The following PLEKHA2 variants were observed in gnomAD, a reference collection of about 807,000 sequenced individuals.
PLEKHA2 encodes pleckstrin homology domain-containing family A member 2.
PLEKHA2 carries 28 observed loss-of-function variants against 53.2 expected under a neutral mutation model. The ratio of observed to expected loss-of-function variants is 0.53; its 90% CI spans 0.39 to 0.72. PLEKHA2 has a LOEUF of 0.72. PLEKHA2 is among the 30% of genes least tolerant of loss of function. The pLI is 0.00. For missense variants in PLEKHA2, 426 were observed against 537.9 expected (o/e 0.79, Z 2.06); for synonymous variants, 193 against 196.4 (o/e 0.98, Z 0.14).
intron 7 of PLEKHA2, 86 bp from the exon 8 acceptor site, chr8:38,952,550 G>T: frequency 6.9e-7 from 1 of 1,449,086 alleles, no homozygotes; most frequent in South Asian, 1.2e-5. Flanking sequence ...CCATGGGGCT[G>T]GGTCCTTGGG....
rs201022943 is a variant in PLEKHA2, at chr8:38,969,799, T to TGGGAGGGA, written c.*31_*38dup. On this transcript the variant is annotated 3_prime_UTR_variant, in exon 12 of 12. Transcript: ENST00000617275. ...TGATGTGTGATGGAGCACAGTGCCA[T>TGGGAGGGA]GGGAGGGAGGGAGGGAGGGAGGACT... is the stretch of plus-strand genomic sequence containing the variant. The TGGGAGGGA allele has an allele frequency of 4.9e-6, 2 of 406,462 alleles. No homozygotes were observed. Among genetic ancestry groups the TGGGAGGGA allele is most frequent in the South Asian group, 1.8e-5 (1 of 57,002 alleles). 25.2% of individuals were successfully genotyped at this position (406,462 alleles called of 1,614,324 possible).
chr8:38,935,191 C>T (rs748477505), intron 2 of PLEKHA2, among the ~76,000 whole-genome samples: 2 of 151,768 alleles, frequency 1.3e-5, no homozygotes, highest in Non-Finnish European at 2.9e-5. Flanking sequence ...ATATTTTTAG[C>T]AGAGATGGGG....
intron 2 of PLEKHA2, 26 bp downstream of exon 2, chr8:38,918,096 G>A: frequency 1.2e-6 from 2 of 1,605,890 alleles, no homozygotes; most frequent in Non-Finnish European, 1.7e-6. Context: ...GGAAGGGGTG[G>A]GGCGACTGGG....
rs531422436 is a variant in PLEKHA2, at chr8:38,953,244, C to T, written c.703-53C>T. 5.5e-5 allele frequency: 79 copies of T among 1,435,248 alleles called. 1 individual carries two copies. In the South Asian group the frequency reaches 7.2e-4, roughly 13 times the overall value. The allele number at this position is 1,435,248 out of a possible 1,614,324, so 88.9% of individuals were successfully genotyped here. A position where few individuals can be genotyped will look rare whatever the true frequency, so the allele number is the denominator to read the frequency against. ...GGGGTATTGGTCAGCTGGTCTGGGT[C>T]GTGATATGACACAGACAGCCTCACT... On this transcript the variant is annotated intron_variant, in intron 8 of 11. Coordinates refer to ENST00000617275, the MANE Select transcript of PLEKHA2 (RefSeq NM_021623.2).
At chr8:38,939,740 C>A (rs1271439807) in intron 3 of PLEKHA2, among the ~76,000 whole-genome samples, 1 of 152,112 alleles carries the variant, frequency 6.6e-6, no homozygotes, top group African/African-American at 2.4e-5. Flanking sequence ...AGGCAGTTCT[C>A]CTAATAAGCC....
intron 5 of PLEKHA2, 143 bp from the exon 6 acceptor site, chr8:38,950,707 C>A: frequency 1.1e-6 from 1 of 944,992 alleles, no homozygotes; most frequent in Non-Finnish European, 1.6e-6. Context: ...CAGATTTGGA[C>A]TGTGGAAGGC....
intron 2 of PLEKHA2, among the ~76,000 whole-genome samples, chr8:38,919,036 C>T (rs1288290815): frequency 6.6e-6 from 1 of 152,208 alleles, no homozygotes; most frequent in Non-Finnish European, 1.5e-5. Context: ...GGCCCCTCCC[C>T]AGCAGAGAAT....
chr8:38,967,387 C>T (rs1460979766), intron 10 of PLEKHA2, among the ~76,000 whole-genome samples: 1 of 152,126 alleles, frequency 6.6e-6, no homozygotes, highest in African/African-American at 2.4e-5. Context: ...GATTGCTGAC[C>T]TGAATGGTAG....
At chr8:38,946,336 G>T (rs528797074) in intron 5 of PLEKHA2, 115 bp downstream of exon 5, 11 of 842,506 alleles carry the variant, frequency 1.3e-5, no homozygotes, top group Middle Eastern at 2.3e-4. Flanking sequence ...CAGGAGCCTG[G>T]TCTGTACCCA....
intron 10 of PLEKHA2, among the ~76,000 whole-genome samples, chr8:38,961,395 G>A (rs1488234438): frequency 1.3e-5 from 2 of 151,992 alleles, no homozygotes; most frequent in Non-Finnish European, 2.9e-5. Context: ...AAATTAGCGG[G>A]GTGTGGTGGT....
intron 1 of PLEKHA2, among the ~76,000 whole-genome samples, chr8:38,908,838 C>T (rs1306476678): frequency 2.6e-5 from 4 of 152,094 alleles, no homozygotes. Context: ...TGAGTATGTC[C>T]TGTTGTTTAT....
At chr8:38,906,190 T>C (rs947673745) in intron 1 of PLEKHA2, among the ~76,000 whole-genome samples, 2 of 152,252 alleles carry the variant, frequency 1.3e-5, no homozygotes, top group East Asian at 3.8e-4. Context: ...GTAAAGCCAG[T>C]ATGGCTGCGT....
intron 4 of PLEKHA2, among the ~76,000 whole-genome samples, chr8:38,945,446 T>A (rs1252839319): frequency 6.6e-6 from 1 of 152,188 alleles, no homozygotes; most frequent in Non-Finnish European, 1.5e-5. Context: ...CGATTCTGTC[T>A]CCCCACCTCA....
intron 10 of PLEKHA2, among the ~76,000 whole-genome samples, chr8:38,958,062 T>C (rs1834973654): frequency 6.6e-6 from 1 of 152,176 alleles, no homozygotes; most frequent in African/African-American, 2.4e-5. Flanking sequence ...CGGTGGCTCA[T>C]GCCTGGAATC....
At chr8:38,911,515 G>A (rs1833954235) in intron 1 of PLEKHA2, among the ~76,000 whole-genome samples, 1 of 152,134 alleles carries the variant, frequency 6.6e-6, no homozygotes, top group Non-Finnish European at 1.5e-5. Context: ...GGGTTTACAG[G>A]TGTGAGCCAC....
chr8:38,952,440 A>G, intron 7 of PLEKHA2, 128 bp downstream of exon 7: 1 of 1,425,032 alleles, frequency 7.0e-7, no homozygotes. Context: ...TCCACCTTTG[A>G]GGGTGAGATT....
chr8:38,908,055 T>G (rs1368195796), intron 1 of PLEKHA2, among the ~76,000 whole-genome samples: 5 of 152,148 alleles, frequency 3.3e-5, no homozygotes, highest in Non-Finnish European at 7.4e-5. Flanking sequence ...CTCCCAAGTT[T>G]CAAGAAGGAA....
intron 3 of PLEKHA2, among the ~76,000 whole-genome samples, chr8:38,938,953 G>C (rs1408424136): frequency 6.6e-6 from 1 of 151,272 alleles, no homozygotes; most frequent in Non-Finnish European, 1.5e-5. Context: ...ACCCAGGCTG[G>C]AGTGCAATGG....
intron 10 of PLEKHA2, among the ~76,000 whole-genome samples, chr8:38,962,470 G>C (rs1021169895): frequency 2.0e-5 from 3 of 152,178 alleles, no homozygotes; most frequent in Non-Finnish European, 4.4e-5. Context: ...GGGTGTCTTG[G>C]CAAATGGATC....
Sources: allele counts gnomAD v4.1 joint callset (sites outside exome capture counted in the v4.1 genomes callset), GRCh38; gene constraint gnomAD v4.1.1; transcripts MANE v1.5; gene names NCBI Gene and HGNC (gene_info 2026-07-23, HGNC 2026-07-21).